The following DOCK3 variants were observed in gnomAD, a reference collection of about 807,000 sequenced individuals.
DOCK3 encodes dedicator of cytokinesis 3, also known as dedicator of cytokinesis protein 3.
Under a neutral mutation model 265.6 loss-of-function variants are expected in DOCK3, and 60 were observed. That is an observed-to-expected ratio of 0.23 (90% CI 0.18 to 0.28). DOCK3 has a LOEUF of 0.28. Ranked by LOEUF, DOCK3 falls within the 10% of genes least tolerant of loss-of-function variation. DOCK3 has a pLI of 1.00. For synonymous variants in DOCK3, 881 were observed against 938.0 expected, an observed-to-expected ratio of 0.94 and a Z score of 1.11; for missense variants, 1,981 against 2,594.3, an observed-to-expected ratio of 0.76 and a Z score of 5.14.
intron 25 of DOCK3, among the ~76,000 whole-genome samples, chr3:51,275,693 G>C (rs1396119614): frequency 2.0e-5 from 3 of 152,138 alleles, no homozygotes; most frequent in African/African-American, 7.2e-5. Context: ...GCCCACCAGA[G>C]CTCTGAGCCT....
intron 7 of DOCK3, among the ~76,000 whole-genome samples, chr3:51,078,731 C>G (rs1190666807): frequency 6.6e-6 from 1 of 152,124 alleles, no homozygotes; most frequent in Non-Finnish European, 1.5e-5. Flanking sequence ...AAATTTTGGT[C>G]ACTCAGAGTC....
At chr3:51,022,090 T>G (rs1304615277) in intron 5 of DOCK3, among the ~76,000 whole-genome samples, 1 of 152,244 alleles carries the variant, frequency 6.6e-6, no homozygotes, top group Admixed American at 6.5e-5. Flanking sequence ...AGCTTTAAAG[T>G]TAGAAATTTG....
chr3:51,228,164 G>A (rs2090407900), intron 17 of DOCK3, 76 bp downstream of exon 17: 6 of 1,483,012 alleles, frequency 4.0e-6, no homozygotes. Context: ...TCTCAGTTAG[G>A]TGGTTTTCAC....
chr3:51,177,789 C>T (rs1054375142), intron 12 of DOCK3, among the ~76,000 whole-genome samples: 23 of 152,006 alleles, frequency 1.5e-4, no homozygotes, highest in Non-Finnish European at 3.4e-4. Flanking sequence ...TCAGGAGTTC[C>T]AGACCAGCCT....
intron 5 of DOCK3, among the ~76,000 whole-genome samples, chr3:50,973,545 A>T (rs2077325959): frequency 2.1e-5 from 3 of 142,536 alleles, no homozygotes; most frequent in South Asian, 2.4e-4. Context: ...TCATTGTTGG[A>T]CATTTGGGTT....
chr3:51,142,864 T>G (rs571840120), intron 9 of DOCK3, among the ~76,000 whole-genome samples: 2 of 152,272 alleles, frequency 1.3e-5, no homozygotes, highest in South Asian at 4.1e-4. Flanking sequence ...TACTTGACAT[T>G]CTTACCAACC....
intron 23 of DOCK3, among the ~76,000 whole-genome samples, chr3:51,265,520 T>C (rs1409133790): frequency 6.6e-6 from 1 of 152,186 alleles, no homozygotes; most frequent in Non-Finnish European, 1.5e-5. Flanking sequence ...GTCAGCTTCA[T>C]CCCTGGGATG....
intron 14 of DOCK3, among the ~76,000 whole-genome samples, chr3:51,215,670 G>A (rs2089742300): frequency 6.6e-6 from 1 of 152,166 alleles, no homozygotes; most frequent in Admixed American, 6.5e-5. Flanking sequence ...AACTTTCCAG[G>A]CTATGCCCAG....
chr3:50,810,750 A>T (rs925245189), intron 2 of DOCK3, among the ~76,000 whole-genome samples: 14 of 152,238 alleles, frequency 9.2e-5, no homozygotes, highest in Admixed American at 2.0e-4. Flanking sequence ...GATTCCATTT[A>T]TATGAAGTTC....
intron 12 of DOCK3, among the ~76,000 whole-genome samples, chr3:51,193,121 C>T (rs910823275): frequency 1.2e-4 from 18 of 152,056 alleles, no homozygotes; most frequent in Admixed American, 1.0e-3. Context: ...GAGTTTTTAT[C>T]ATGAAGGGAT....
intron 5 of DOCK3, among the ~76,000 whole-genome samples, chr3:51,045,473 A>G (rs575942765): frequency 1.3e-5 from 2 of 152,352 alleles, no homozygotes; most frequent in East Asian, 3.9e-4. Context: ...AAATATTGCA[A>G]GAATTACCAG....
rs149326511 is a variant in DOCK3 at position 50,858,111 on chromosome 3, G to A, written c.162+16396G>A. ...TACTATGCAGCCATAAAAAAGGATG[G>A]GTTCATGTCCTTTGCAGAGACATGG... On this transcript the variant is annotated intron_variant, in intron 3 of 52. Coordinates refer to ENST00000266037, the MANE Select transcript of DOCK3 (RefSeq NM_004947.5). Among the ~76,000 whole-genome samples the A allele has an allele frequency of 5.1e-3, 772 of 152,186 alleles. 9 individuals carry two copies. The highest frequency in any genetic ancestry group is 0.016 in the African/African-American group (664 of 41,508).
At chr3:50,934,350 A>G (rs2051239795) in intron 5 of DOCK3, among the ~76,000 whole-genome samples, 1 of 152,182 alleles carries the variant, frequency 6.6e-6, no homozygotes, top group African/African-American at 2.4e-5. Context: ...TTGTGTCCCC[A>G]GATGCTTTAT....
intron 29 of DOCK3, 74 bp from the exon 30 acceptor site, chr3:51,312,402 G>T: frequency 8.2e-7 from 1 of 1,223,872 alleles, no homozygotes; most frequent in South Asian, 1.3e-5. Flanking sequence ...TATGCTACAT[G>T]CATGTATTTA....
intron 5 of DOCK3, among the ~76,000 whole-genome samples, chr3:51,008,629 T>G (rs2078788815): frequency 6.6e-6 from 1 of 152,222 alleles, no homozygotes; most frequent in Non-Finnish European, 1.5e-5. Flanking sequence ...TTCTTTCTCT[T>G]GCCTGATTGC....
chr3:51,371,549 T>C (rs1019153971), intron 49 of DOCK3, among the ~76,000 whole-genome samples: 43 of 152,230 alleles, frequency 2.8e-4, no homozygotes, highest in African/African-American at 9.9e-4. Context: ...ATGTATGTAA[T>C]AGATGTTGTA....
intron 1 of DOCK3, among the ~76,000 whole-genome samples, chr3:50,702,797 G>A (rs1050253661): frequency 1.3e-5 from 2 of 152,018 alleles, no homozygotes; most frequent in African/African-American, 4.8e-5. Context: ...TCAGATGAGG[G>A]ACAGTTTGAC....
intron 1 of DOCK3, among the ~76,000 whole-genome samples, chr3:50,763,159 A>G (rs566050630): frequency 7.2e-5 from 11 of 152,326 alleles, no homozygotes; most frequent in African/African-American, 2.4e-4. Flanking sequence ...GTTGAAAATT[A>G]TATTTCTAAC....
chr3:51,066,350 A>G (rs1228588556), intron 6 of DOCK3, among the ~76,000 whole-genome samples: 1 of 152,236 alleles, frequency 6.6e-6, no homozygotes, highest in East Asian at 1.9e-4. Flanking sequence ...AACGAGGCAC[A>G]TTAAGATAGC....
Sources: gnomAD v4.1 joint callset for allele counts (sites outside exome capture counted in the v4.1 genomes callset) on GRCh38, gnomAD v4.1.1 for gene constraint, MANE v1.5 for transcripts, NCBI Gene and HGNC (gene_info 2026-07-23, HGNC 2026-07-21) for gene names.